ARMC8: variants seen among roughly 807,000 people sequenced by gnomAD.
ARMC8 encodes armadillo repeat containing 8.
Under a neutral mutation model 99.3 loss-of-function variants are expected in ARMC8, and 20 were observed. The ratio of observed to expected loss-of-function variants is 0.20; its 90% CI spans 0.14 to 0.29. The LOEUF (loss-of-function observed/expected upper bound fraction) is 0.29, where lower values mean the gene tolerates loss of function less well. ARMC8 is among the 10% of genes least tolerant of loss of function. The pLI is 1.00. For synonymous variants in ARMC8, 263 were observed against 278.3 expected (o/e 0.95, Z 0.55); for missense variants, 569 against 809.5 (o/e 0.70, Z 3.60).
chr3:138,258,831 A>G (rs896796010), intron 12 of ARMC8, among the ~76,000 whole-genome samples: 6 of 152,236 alleles, frequency 3.9e-5, no homozygotes, highest in African/African-American at 1.4e-4. Flanking sequence ...CCAGGCCCCT[A>G]GAAAAGCCTA....
intron 2 of ARMC8, among the ~76,000 whole-genome samples, chr3:138,212,597 G>A (rs188623389): frequency 2.0e-5 from 3 of 152,206 alleles, no homozygotes; most frequent in South Asian, 2.1e-4. Flanking sequence ...GTGAGCCACC[G>A]CGCCTGGCCT....
rs542057612 is a variant in ARMC8 at position 138,197,672 on chromosome 3, TA to T, written c.45+10075del. ...TTTGTGAAACTCCTGATCATTTTTG[TA>T]ACCTTGCATGTGCTTTCCAGAGATA... On this transcript the variant is annotated intron_variant, in intron 1 of 21. Coordinates refer to ENST00000469044, the MANE Select transcript of ARMC8 (RefSeq NM_001363941.2). Among the ~76,000 whole-genome samples the T allele has an allele frequency of 1.1e-3, 163 of 152,354 alleles. 1 individual carries two copies. The highest frequency in any genetic ancestry group is 1.8e-3 in the Non-Finnish European group (124 of 68,034).
intron 18 of ARMC8, among the ~76,000 whole-genome samples, chr3:138,275,406 A>C (rs2049185940): frequency 6.6e-6 from 1 of 152,284 alleles, no homozygotes; most frequent in African/African-American, 2.4e-5. Flanking sequence ...AAAAATACAA[A>C]AAATTAGCCA....
chr3:138,220,096 GAACACATTAA>G (rs2045308873), intron 2 of ARMC8, among the ~76,000 whole-genome samples: 1 of 152,092 alleles, frequency 6.6e-6, no homozygotes, highest in South Asian at 2.1e-4. Flanking sequence ...AGTATAGGCA[GAACACATTAA>G]GAGAAAGGAA....
At chr3:138,226,783 A>AT (rs2045719523) in intron 5 of ARMC8, among the ~76,000 whole-genome samples, 1 of 152,184 alleles carries the variant, frequency 6.6e-6, no homozygotes, top group Admixed American at 6.5e-5. Flanking sequence ...TGACCTACTA[A>AT]TGGATCCTGG....
intron 1 of ARMC8, among the ~76,000 whole-genome samples, chr3:138,190,887 G>A (rs1260117480): frequency 3.9e-5 from 6 of 152,170 alleles, no homozygotes; most frequent in African/African-American, 1.4e-4. Context: ...TTTGTGAATG[G>A]TGATTAGTAT....
intron 12 of ARMC8, among the ~76,000 whole-genome samples, chr3:138,257,368 C>T (rs1225685913): frequency 6.6e-6 from 1 of 152,102 alleles, no homozygotes; most frequent in Non-Finnish European, 1.5e-5. Flanking sequence ...CAAGCATTTC[C>T]ATGATGTATA....
chr3:138,226,196 A>G (rs1157428519), intron 5 of ARMC8, among the ~76,000 whole-genome samples: 1 of 152,084 alleles, frequency 6.6e-6, no homozygotes, highest in African/African-American at 2.4e-5. Context: ...AGGTTTCACC[A>G]TATTGGCCAG....
intron 17 of ARMC8, 29 bp from the exon 18 acceptor site, chr3:138,274,420 A>T: frequency 7.0e-7 from 1 of 1,437,238 alleles, no homozygotes; most frequent in Non-Finnish European, 9.7e-7. Flanking sequence ...TGTTTCTTTG[A>T]TAATTATGGA....
intron 5 of ARMC8, among the ~76,000 whole-genome samples, chr3:138,225,402 C>T (rs965872741): frequency 2.0e-5 from 3 of 152,170 alleles, no homozygotes; most frequent in African/African-American, 4.8e-5. Context: ...TGAGCCACTG[C>T]GCCCGGCCTC....
chr3:138,212,286 A>G (rs1368426200), intron 2 of ARMC8, among the ~76,000 whole-genome samples: 1 of 151,766 alleles, frequency 6.6e-6, no homozygotes, highest in Non-Finnish European at 1.5e-5. Flanking sequence ...ATTACTTTCA[A>G]CATTATCTGT....
In ARMC8 at chr3:138,187,512, C is replaced by A; in HGVS notation, c.-43C>A. The A allele has an allele frequency of 2.0e-6, 3 of 1,534,360 alleles. No homozygotes were observed. Among genetic ancestry groups the A allele is most frequent in the Non-Finnish European group, 2.6e-6 (3 of 1,145,564 alleles). On this transcript the variant is annotated 5_prime_UTR_variant, in exon 1 of 22. Transcript: ENST00000469044. ...AATAGTTGGCTGTCGAAAGTGCCGGCCCCCGCGCCGGCGCCTGCAGCAGCC... is the reference window on the plus strand; with the variant it reads ...AATAGTTGGCTGTCGAAAGTGCCGGACCCCGCGCCGGCGCCTGCAGCAGCC...
At chr3:138,228,821 A>T in intron 5 of ARMC8, 97 bp from the exon 6 acceptor site, 2 of 725,982 alleles carry the variant, frequency 2.8e-6, no homozygotes, top group Non-Finnish European at 4.7e-6. Context: ...TGTCATTAAG[A>T]TAAGAGATTT....
intron 6 of ARMC8, among the ~76,000 whole-genome samples, chr3:138,232,582 C>CT (rs1474815784): frequency 5.9e-5 from 9 of 152,168 alleles, no homozygotes; most frequent in African/African-American, 2.2e-4. Context: ...ATCTAAGTGT[C>CT]TAACTATAGG....
chr3:138,262,084 C>T (rs532197450), intron 12 of ARMC8: 5 of 154,004 alleles, frequency 3.2e-5, no homozygotes, highest in African/African-American at 1.2e-4. Context: ...AGAGCAACAT[C>T]AGCAGTTGGT....
At chr3:138,262,822 G>A (rs1390706329) in intron 12 of ARMC8, among the ~76,000 whole-genome samples, 2 of 152,204 alleles carry the variant, frequency 1.3e-5, no homozygotes, top group Non-Finnish European at 2.9e-5. Context: ...GTGAGTACAA[G>A]AGGACTACCT....
intron 12 of ARMC8, among the ~76,000 whole-genome samples, chr3:138,249,344 A>G (rs1315389705): frequency 3.3e-5 from 5 of 151,558 alleles, no homozygotes; most frequent in African/African-American, 1.2e-4. Flanking sequence ...GGAAATTCCC[A>G]TTTTTTCAAG....
intron 12 of ARMC8, chr3:138,245,965 A>G (rs1299978940): frequency 2.0e-6 from 2 of 985,264 alleles, no homozygotes; most frequent in Admixed American, 6.1e-5. Flanking sequence ...TGTCTTGAGG[A>G]GCCATAGCAG....
intron 19 of ARMC8, 162 bp from the exon 20 acceptor site, chr3:138,288,886 C>G: frequency 1.7e-6 from 1 of 572,038 alleles, no homozygotes; most frequent in East Asian, 3.1e-5. Context: ...TTCCACCTGC[C>G]TTGGTCTCCC....
Sources: allele counts gnomAD v4.1 joint callset (sites outside exome capture counted in the v4.1 genomes callset), GRCh38; gene constraint gnomAD v4.1.1; transcripts MANE v1.5; gene names NCBI Gene and HGNC (gene_info 2026-07-23, HGNC 2026-07-21).